Variants in ODR4 observed in about 807,000 individuals in gnomAD.
ODR4 encodes odr-4 GPCR localization factor homolog.
A neutral mutation model predicts 60.2 loss-of-function variants in ODR4; 47 were observed. The ratio of observed to expected loss-of-function variants is 0.78; its 90% CI spans 0.62 to 1.00. ODR4 has a LOEUF of 1.00. ODR4 is among the 50% of genes least tolerant of loss of function. The pLI, the probability that ODR4 is intolerant of heterozygous loss-of-function variation, is 0.00. For missense variants in ODR4, 488 were observed against 530.8 expected, an observed-to-expected ratio of 0.92 and a Z score of 0.79; for synonymous variants, 178 against 175.5, an observed-to-expected ratio of 1.01 and a Z score of -0.11.
rs376015930 is a variant in ODR4, at chr1:186,384,904, C to CT, written c.235-1083dup. 6.8e-4 allele frequency among the ~76,000 whole-genome samples: 104 copies of CT among 152,164 alleles called. 1 individual carries two copies. The highest frequency in any genetic ancestry group is 2.5e-3 in the African/African-American group (104 of 41,526). ...GTACCTAATTTTCTAAGACTGTACT[C>CT]TGATTGATTGCTTGTACATTAAGTA... On this transcript the variant is annotated intron_variant, in intron 3 of 13. Transcript: ENST00000287859.
chr1:186,376,357 G>A (rs1659764761), intron 1 of ODR4, among the ~76,000 whole-genome samples: 1 of 152,148 alleles, frequency 6.6e-6, no homozygotes, highest in South Asian at 2.1e-4. Context: ...TACAGTAACA[G>A]AACTTGTATG....
chr1:186,401,153 G>A lies in ODR4; in HGVS notation c.1000+2109G>A, dbSNP rs758559668. 24 of 1,595,086 alleles carry A rather than the reference G, an allele frequency of 1.5e-5. 1 individual carries two copies. Among genetic ancestry groups the A allele is most frequent in the South Asian group, 3.3e-5 (3 of 90,764 alleles). ...AAAGTGGTATTATATGGCTATCCTGGTATTCTTTCATATTGTTAGTACTTT... is the reference window on the plus strand; with the variant it reads ...AAAGTGGTATTATATGGCTATCCTGATATTCTTTCATATTGTTAGTACTTT... On this transcript the variant is annotated intron_variant, in intron 11 of 13. Coordinates refer to ENST00000287859, the MANE Select transcript of ODR4 (RefSeq NM_017847.6).
intron 11 of ODR4, among the ~76,000 whole-genome samples, chr1:186,399,391 T>C (rs11805302): frequency 0.092 from 13,988 of 152,128 alleles, 941 homozygotes; most frequent in East Asian, 0.37. Context: ...ATTGTTTTTT[T>C]AGAGACAGGG....
At chr1:186,398,555 A>G in intron 10 of ODR4, 114 bp downstream of exon 10, 6 of 1,068,866 alleles carry the variant, frequency 5.6e-6, no homozygotes, top group Non-Finnish European at 7.8e-6. Context: ...TTAACTGATA[A>G]TGGCCTATTG....
intron 12 of ODR4, among the ~76,000 whole-genome samples, chr1:186,412,299 C>T (rs565151987): frequency 6.6e-6 from 1 of 152,152 alleles, no homozygotes; most frequent in South Asian, 2.1e-4. Flanking sequence ...CAAGAATGAA[C>T]AGAGAAGAGT....
At chr1:186,413,777 A>G (rs1661455604) in intron 12 of ODR4, among the ~76,000 whole-genome samples, 1 of 152,212 alleles carries the variant, frequency 6.6e-6, no homozygotes, top group African/African-American at 2.4e-5. Flanking sequence ...TAGGGATAGG[A>G]AGAACACAGG....
At chr1:186,405,076 A>AT (rs1360614127) in intron 11 of ODR4, among the ~76,000 whole-genome samples, 1 of 152,116 alleles carries the variant, frequency 6.6e-6, no homozygotes, top group African/African-American at 2.4e-5. Flanking sequence ...ATTTAGATTT[A>AT]TTTTTTTCTA....
intron 11 of ODR4, among the ~76,000 whole-genome samples, chr1:186,405,594 CCAGG>C (rs1375345390): frequency 6.6e-6 from 1 of 151,990 alleles, no homozygotes; most frequent in African/African-American, 2.4e-5. Flanking sequence ...GCTCTGTTGC[CCAGG>C]CTGGAGTGCA....
rs926883069 is a variant in ODR4 at position 186,408,656 on chromosome 1, AAAC to A, written c.1186+2391_1186+2393del. 2.1e-3 allele frequency among the ~76,000 whole-genome samples: 315 copies of A among 150,194 alleles called. 3 individuals are homozygous for A. The highest frequency in any genetic ancestry group is 0.011 in the Middle Eastern group (3 of 282). On this transcript the variant is annotated intron_variant, in intron 12 of 13. Transcript: ENST00000287859. ...AATATGTTTATAAAATATATAATATAAACAATATACAAAAATGTATTGTTTTCT... is the reference window on the plus strand; with the variant it reads ...AATATGTTTATAAAATATATAATATAAATATACAAAAATGTATTGTTTTCT...
intron 4 of ODR4, 109 bp from the exon 5 acceptor site, chr1:186,388,333 T>C (rs2102030031): frequency 1.7e-6 from 1 of 605,056 alleles, no homozygotes. Context: ...TAAAGAATCA[T>C]GGAATTTTAA....
chr1:186,400,874 A>G lies in ODR4; in HGVS notation c.1000+1830A>G, dbSNP rs1421042400. 1.8e-5 allele frequency: 10 copies of G among 549,110 alleles called. No individual in the cohort carries two copies. In the East Asian group the frequency reaches 2.7e-4, roughly 15 times the overall value. The allele number at this position is 549,110 out of a possible 1,614,324, so 34.0% of individuals were successfully genotyped here. ...GGATTGAGAGTTTTGGGAGGGCAGTATGTGGGACCTGTTCACATAGTCCAT... is the reference window on the plus strand; with the variant it reads ...GGATTGAGAGTTTTGGGAGGGCAGTGTGTGGGACCTGTTCACATAGTCCAT... On this transcript the variant is annotated intron_variant, in intron 11 of 13. Coordinates refer to ENST00000287859, the MANE Select transcript of ODR4 (RefSeq NM_017847.6).
chr1:186,384,039 A>G (rs1267948277), intron 3 of ODR4, among the ~76,000 whole-genome samples: 3 of 152,230 alleles, frequency 2.0e-5, no homozygotes, highest in Non-Finnish European at 2.9e-5. Flanking sequence ...ACTCTGTCTC[A>G]ACAAAACAAA....
At chr1:186,379,703 C>A in intron 1 of ODR4, 64 bp from the exon 2 acceptor site, 2 of 844,708 alleles carry the variant, frequency 2.4e-6, no homozygotes, top group Non-Finnish European at 3.7e-6. Flanking sequence ...AAACTACTCC[C>A]ATGATAAAGA....
At chr1:186,433,877 CCAGTTG>C in the ODR4 span, among the ~76,000 whole-genome samples, 2 of 152,120 alleles carry the variant, frequency 1.3e-5, no homozygotes, top group Non-Finnish European at 2.9e-5. Context: ...CCGCGCCTGG[CCAGTTG>C]CAGTGTTTTT....
intron 11 of ODR4, chr1:186,401,179 GAA>G: frequency 1.3e-6 from 2 of 1,585,034 alleles, no homozygotes; most frequent in Non-Finnish European, 1.7e-6. Context: ...TTAGTACTTT[GAA>G]ATTTTTGCTG....
intron 9 of ODR4, among the ~76,000 whole-genome samples, chr1:186,397,902 C>T (rs1660764546): frequency 1.3e-5 from 2 of 152,102 alleles, no homozygotes; most frequent in African/African-American, 4.8e-5. Context: ...TATCACATCC[C>T]ACTTTGTATT....
intron 3 of ODR4, among the ~76,000 whole-genome samples, chr1:186,384,532 T>C (rs1416248190): frequency 6.6e-6 from 1 of 151,696 alleles, no homozygotes; most frequent in Non-Finnish European, 1.5e-5. Context: ...AATAACTTTC[T>C]ACTCTAATTT....
At chr1:186,426,446 G>T in the ODR4 span, among the ~76,000 whole-genome samples, 7 of 152,268 alleles carry the variant, frequency 4.6e-5, no homozygotes, top group South Asian at 8.3e-4. Context: ...TTTCCTTCAC[G>T]TGACTTTTCC....
intron 2 of ODR4, among the ~76,000 whole-genome samples, chr1:186,381,377 A>G (rs1366098773): frequency 6.7e-6 from 1 of 150,012 alleles, no homozygotes; most frequent in Non-Finnish European, 1.5e-5. Context: ...CCCAGGCTGG[A>G]GTGCAGTGGC....
Sources: allele counts gnomAD v4.1 joint callset (sites outside exome capture counted in the v4.1 genomes callset), GRCh38; gene constraint gnomAD v4.1.1; transcripts MANE v1.5; gene names NCBI Gene and HGNC (gene_info 2026-07-23, HGNC 2026-07-21).